ICAM5: variants seen among roughly 807,000 people sequenced by gnomAD.
ICAM5 encodes intercellular adhesion molecule 5, also known as ICAM-5.
ICAM5 carries 38 observed loss-of-function variants against 78.8 expected under a neutral mutation model. That is an observed-to-expected ratio of 0.48 (90% CI 0.37 to 0.63). The LOEUF is 0.63. ICAM5 is among the 30% of genes least tolerant of loss of function. The pLI, the probability that ICAM5 is intolerant of heterozygous loss-of-function variation, is 0.00. For synonymous variants in ICAM5, 544 were observed against 590.9 expected, an observed-to-expected ratio of 0.92 and a Z score of 1.15; for missense variants, 1,059 against 1,303.0, an observed-to-expected ratio of 0.81 and a Z score of 2.88.
chr19:10,294,476 C>G lies in ICAM5; in HGVS notation c.2066C>G (p.Ala689Gly). Reference sequence around the variant, plus strand: ...GAAGGGGCTGAGGCTTCCGCGCTGGCCTGCGCCGCCCGGGGTCGCCCTTCC... The same window carrying G: ...GAAGGGGCTGAGGCTTCCGCGCTGGGCTGCGCCGCCCGGGGTCGCCCTTCC... ...WLEGAEASAL[A>G]CAARGRPSPG... The change falls in exon 9 of 11, where the codon GCC (alanine) becomes GGC (glycine). Residue 689 changes from alanine (A) to glycine (G), a missense_variant. By Grantham distance (60) the Ala-to-Gly change is moderately conservative. Coordinates refer to ENST00000221980, the MANE Select transcript of ICAM5 (RefSeq NM_003259.4). This position sits in a 1 kb window ranked among gnomAD's most constrained non-coding sequence, Gnocchi z 7.7. 1 of 1,607,818 alleles carries G rather than the reference C, an allele frequency of 6.2e-7. No individual in the cohort carries two copies. The highest frequency in any genetic ancestry group is 8.5e-7 in the Non-Finnish European group (1 of 1,176,326).
In ICAM5 at chr19:10,293,086, G is replaced by A; in HGVS notation, c.1305G>A (p.Gly435=). The A allele has an allele frequency of 6.2e-7, 1 of 1,610,264 alleles. No homozygotes were observed. The highest frequency in any genetic ancestry group is 1.7e-5 in the Admixed American group (1 of 59,748). The change falls in exon 6 of 11, where the codon GGG becomes GGA. Residue 435 remains glycine, a synonymous_variant. Coordinates refer to ENST00000221980, the MANE Select transcript of ICAM5 (RefSeq NM_003259.4). The surrounding 1 kb of genome is among the most constrained non-coding windows in gnomAD (Gnocchi z 5.0). ...PEQTLRCEAR[G]NPEPSVHCAR... ...AGACGCTGCGCTGCGAGGCCCGCGG[G>A]AACCCAGAACCCTCAGTGCACTGTG...
At chr19:10,292,891 C>G in intron 5 of ICAM5, 25 bp downstream of exon 5, 2 of 1,607,084 alleles carry the variant, frequency 1.2e-6, no homozygotes, top group Non-Finnish European at 1.7e-6. Context: ...ACCCCTCGCC[C>G]CCCACCTTCT....
intron 2 of ICAM5, 37 bp downstream of exon 2, chr19:10,291,378 C>T (rs746429867): frequency 3.7e-6 from 6 of 1,606,178 alleles, no homozygotes; most frequent in South Asian, 1.1e-5. Flanking sequence ...CTCCACTACT[C>T]TCCCTCCCTC....
In ICAM5 at chr19:10,295,473, G is replaced by A. The variant is rs1377800823; in HGVS notation, c.2358G>A (p.Gly786=). 2 of 1,586,386 alleles carry A rather than the reference G, an allele frequency of 1.3e-6. No homozygotes were observed. The highest frequency in any genetic ancestry group is 1.7e-6 in the Non-Finnish European group (2 of 1,168,632). Residue 786 remains glycine (G), a synonymous_variant, in exon 10 of 11, where the codon GGG becomes GGA. Transcript: ENST00000221980. ...AGATCAGCTGGCGCGCGCCCCCGGG[G>A]GCCCTCAACATCGGCCTGTCGAGCA... ...PAQISWRAPP[G]ALNIGLSSNN...
At chr19:10,296,070 T>G (rs1393614196) in intron 10 of ICAM5, among the ~76,000 whole-genome samples, 2 of 152,042 alleles carry the variant, frequency 1.3e-5, no homozygotes, top group Admixed American at 6.5e-5. Flanking sequence ...CCTCATTTTT[T>G]GGGGGATGGG....
Position 10,292,099 on chromosome 19 carries a change from C to G in ICAM5, c.738C>G (p.Pro246=), listed in dbSNP as rs766315761. Residue 246 remains proline, a synonymous_variant, in exon 4 of 11, where the codon CCC becomes CCG. Coordinates refer to ENST00000221980, the MANE Select transcript of ICAM5 (RefSeq NM_003259.4). ...PRLLEVGSER[P]VSCTLDGLFP... The stretch of plus-strand genomic sequence containing the variant: ...TCTTGGAAGTTGGCTCGGAAAGGCC[C>G]GTGAGCTGCACTCTGGACGGACTGT... 2 of 1,613,342 alleles carry G rather than the reference C, an allele frequency of 1.2e-6. No homozygotes were observed. Among genetic ancestry groups the G allele is most frequent in the Non-Finnish European group, 1.7e-6 (2 of 1,179,996 alleles).
Position 10,291,270 on chromosome 19 carries a change from A to C in ICAM5, c.281A>C (p.Glu94Ala), listed in dbSNP as rs1416046022. Residue 94 changes from glutamate (E) to alanine (A), a missense_variant, in exon 2 of 11, where the codon GAG becomes GCG. Coordinates refer to ENST00000221980, the MANE Select transcript of ICAM5 (RefSeq NM_003259.4). ...ARQLVDIREP[E>A]TQPVCFFRCA... ...CAGCTGGTGGACATTCGCGAGCCGGAGACTCAGCCCGTCTGCTTCTTCCGC... is the reference window on the plus strand; with the variant it reads ...CAGCTGGTGGACATTCGCGAGCCGGCGACTCAGCCCGTCTGCTTCTTCCGC... The C allele has an allele frequency of 6.2e-7, 1 of 1,612,672 alleles. No homozygotes were observed. Among genetic ancestry groups the C allele is most frequent in the Non-Finnish European group, 8.5e-7 (1 of 1,179,928 alleles).
chr19:10,292,083 T>G lies in ICAM5; in HGVS notation c.722T>G (p.Val241Gly). 1 of 1,612,836 alleles carries G rather than the reference T, an allele frequency of 6.2e-7. No homozygotes were observed. The highest frequency in any genetic ancestry group is 8.5e-7 in the Non-Finnish European group (1 of 1,179,570). Reference protein sequence around the residue: ...PRLAAPRLLEVGSERPVSCTL... With the variant: ...PRLAAPRLLEGGSERPVSCTL... ...CTCGCTGCTCCCCGGCTCTTGGAAG[T>G]TGGCTCGGAAAGGCCCGTGAGCTGC... is the stretch of plus-strand genomic sequence containing the variant. Residue 241 changes from valine to glycine, a missense_variant, in exon 4 of 11, where the codon GTT becomes GGT. Val to Gly is a moderately radical substitution (Grantham distance 109). Transcript: ENST00000221980.
chr19:10,294,048 A>T lies in ICAM5; in HGVS notation c.1720A>T (p.Arg574Trp). Residue 574 changes from arginine (R) to tryptophan (W), a missense_variant, in exon 8 of 11, where the codon AGG (arginine) becomes TGG (tryptophan). Transcript: ENST00000221980. This position sits in a 1 kb window ranked among gnomAD's most constrained non-coding sequence, Gnocchi z 7.7. ...NVAVTVEYGP[R>W]FEEPSCPSNW... ...GCAATCCTGTTTCCCAGATGGCCCC[A>T]GGTTTGAGGAGCCGAGCTGCCCCAG... is the stretch of plus-strand genomic sequence containing the variant. 1 of 1,579,560 alleles carries T rather than the reference A, an allele frequency of 6.3e-7. No homozygotes were observed. Among genetic ancestry groups the T allele is most frequent in the Non-Finnish European group, 8.6e-7 (1 of 1,160,934 alleles).
In ICAM5 at chr19:10,295,343, C is replaced by T; in HGVS notation, c.2231-3C>T. 1 of 1,544,682 alleles carries T rather than the reference C, an allele frequency of 6.5e-7. No homozygotes were observed. The highest frequency in any genetic ancestry group is 1.2e-5 in the South Asian group (1 of 82,404). The stretch of plus-strand genomic sequence containing the variant: ...GCCCCACTTCACCTTCTGTGCCCTT[C>T]AGACCGGCCAGTGGTGGCCGAACTT... On this transcript the variant is annotated splice_region_variant and splice_polypyrimidine_tract_variant and intron_variant, in intron 9 of 10. Transcript: ENST00000221980.
chr19:10,296,272 G>A (rs2040219426), intron 10 of ICAM5, 67 bp from the exon 11 acceptor site: 2 of 1,220,258 alleles, frequency 1.6e-6, no homozygotes, highest in East Asian at 3.2e-5. Flanking sequence ...GCCTGTGGGA[G>A]TGCGGGGGGC....
rs2040157880 is a variant in ICAM5 at position 10,290,057 on chromosome 19, C to T, written c.14C>T (p.Ser5Leu). 6.5e-7 allele frequency: 1 copy of T among 1,541,922 alleles called. No homozygotes were observed. Among genetic ancestry groups the T allele is most frequent in the African/African-American group, 1.4e-5 (1 of 72,724 alleles). Residue 5 changes from serine (S) to leucine (L), a missense_variant, in exon 1 of 11, where the codon TCG becomes TTG. This residue lies in a region of ICAM5 where 815 missense variants were observed against 952.8 expected (regional missense o/e 0.86). Transcript: ENST00000221980. This position sits in a 1 kb window ranked among gnomAD's most constrained non-coding sequence, Gnocchi z 5.7. MPGP[S>L]PGLRRALLGL... ...CCCGCCGCGGCGATGCCAGGGCCTT[C>T]GCCAGGGCTGCGCCGGGCGCTACTC...
rs200631718 is a variant in ICAM5 at position 10,293,978 on chromosome 19, G to C, written c.1711+35G>C. The C allele has an allele frequency of 1.2e-6, 2 of 1,603,900 alleles. No homozygotes were observed. Among genetic ancestry groups the C allele is most frequent in the South Asian group, 2.2e-5 (2 of 90,226 alleles). ...GGCACCGCGGAGTTAGGCAGGATCTGTGGGACAACCCCGGCTGGACTTCCT... is the reference window on the plus strand; with the variant it reads ...GGCACCGCGGAGTTAGGCAGGATCTCTGGGACAACCCCGGCTGGACTTCCT... On this transcript the variant is annotated intron_variant, in intron 7 of 10. Coordinates refer to ENST00000221980, the MANE Select transcript of ICAM5 (RefSeq NM_003259.4). The surrounding 1 kb of genome is among the most constrained non-coding windows in gnomAD (Gnocchi z 5.0).
chr19:10,292,763 T>G lies in ICAM5; in HGVS notation c.1113T>G (p.Asn371Lys). 6.2e-7 allele frequency: 1 copy of G among 1,611,088 alleles called. No homozygotes were observed. The highest frequency in any genetic ancestry group is 8.5e-7 in the Non-Finnish European group (1 of 1,179,110). ...VPGQPAQLQL[N>K]ATENDDRRSF... ...GGCAGCCCGCCCAGCTTCAGCTAAA[T>G]GCCACCGAGAACGACGACAGACGCA... Residue 371 changes from asparagine (N) to lysine (K), a missense_variant, in exon 5 of 11, where the codon AAT becomes AAG. Around this residue, in one of 3 missense-constraint regions of ICAM5, gnomAD observed 815 missense variants for 952.8 expected, o/e 0.86. Transcript: ENST00000221980.
Position 10,296,610 on chromosome 19 carries a change from G to C in ICAM5, c.2769G>C (p.Ser923=), listed in dbSNP as rs188344435. 3 of 1,211,666 alleles carry C rather than the reference G, an allele frequency of 2.5e-6. No individual in the cohort carries two copies. The highest frequency in any genetic ancestry group is 8.8e-5 in the Admixed American group (2 of 22,746). 75.1% of individuals were successfully genotyped at this position (1,211,666 alleles called of 1,614,324 possible). The change falls in exon 11 of 11, where the codon TCG becomes TCC. Residue 923 remains serine (S), a synonymous_variant. Coordinates refer to ENST00000221980, the MANE Select transcript of ICAM5 (RefSeq NM_003259.4). ...AGGTCTTCGCCATACAGCTGACATC[G>C]GCGTGAGCCCGCTCCCCTCTCCCCG... ...EGEVFAIQLT[S]A is the part of the protein sequence containing the mutation.
chr19:10,290,167 G>C lies in ICAM5; in HGVS notation c.82+42G>C. The C allele has an allele frequency of 7.1e-7, 1 of 1,407,040 alleles. No homozygotes were observed. The highest frequency in any genetic ancestry group is 2.1e-4 in the Middle Eastern group (1 of 4,694). The allele number at this position is 1,407,040 out of a possible 1,614,324, so 87.2% of individuals were successfully genotyped here. On this transcript the variant is annotated intron_variant, in intron 1 of 10. Coordinates refer to ENST00000221980, the MANE Select transcript of ICAM5 (RefSeq NM_003259.4). The surrounding 1 kb of genome is among the most constrained non-coding windows in gnomAD (Gnocchi z 5.7). ...GGTTCGGGGTGGACAGGGCGGGGGC[G>C]GAGTCCCTGGACCTGAGAAACGGCC...
chr19:10,292,453 A>T, intron 4 of ICAM5, 131 bp downstream of exon 4: 4 of 1,355,728 alleles, frequency 3.0e-6, no homozygotes, highest in Non-Finnish European at 4.0e-6. Context: ...GGGGGCGGAG[A>T]CGTAATCGCT....
intron 10 of ICAM5, 142 bp from the exon 11 acceptor site, chr19:10,296,197 A>T: frequency 1.2e-6 from 1 of 800,092 alleles, no homozygotes; most frequent in East Asian, 3.6e-5. Context: ...GCCTTATTGC[A>T]TGGGTTGTCT....
rs2040213562 is a variant in ICAM5, at chr19:10,295,581, C to T, written c.2466C>T (p.Arg822=). The T allele has an allele frequency of 1.3e-6, 2 of 1,544,092 alleles. No individual in the cohort carries two copies. Among genetic ancestry groups the T allele is most frequent in the African/African-American group, 1.4e-5 (1 of 72,998 alleles). ...GCGCAGCCACCAACGCGCACGGGCG[C>T]CACGCGCGGCGCATCACGGTGCGCG... is the stretch of plus-strand genomic sequence containing the variant. ...YECAATNAHG[R]HARRITVRVA... The change falls in exon 10 of 11, where the codon CGC becomes CGT. Residue 822 remains arginine, a synonymous_variant. Transcript: ENST00000221980.
Sources: gnomAD v4.1 joint callset for allele counts (sites outside exome capture counted in the v4.1 genomes callset) on GRCh38, gnomAD v4.1.1 for gene constraint, gnomAD v4.1.1 regional missense constraint, Gnocchi (gnomAD v3.1) non-coding constraint, MANE v1.5 for transcripts, NCBI Gene and HGNC (gene_info 2026-07-23, HGNC 2026-07-21) for gene names.